The following CRAMP1 variants were observed in gnomAD, a reference collection of about 807,000 sequenced individuals.
CRAMP1 encodes the protein cramped chromatin regulator 1.
CRAMP1 carries 50 observed loss-of-function variants against 115.4 expected under a neutral mutation model. The observed-to-expected ratio is 0.43, with a 90% CI of 0.35 to 0.55. The LOEUF is 0.55. Ranked by LOEUF, CRAMP1 falls within the 20% of genes least tolerant of loss-of-function variation. The pLI is 0.01. For synonymous variants in CRAMP1, 866 were observed against 745.4 expected, an observed-to-expected ratio of 1.16 and a Z score of -2.64; for missense variants, 1,679 against 1,721.7, an observed-to-expected ratio of 0.98 and a Z score of 0.44.
At chr16:1,653,303 C>A in intron 8 of CRAMP1, 147 bp downstream of exon 8, 1 of 962,986 alleles carries the variant, frequency 1.0e-6, no homozygotes, top group East Asian at 2.6e-5. Context: ...AGTGTGGAGG[C>A]GACTGGAGTC....
At chr16:1,648,784 C>G (rs112994513) in intron 6 of CRAMP1, among the ~76,000 whole-genome samples, 3,519 of 150,958 alleles carry the variant, frequency 0.023, 158 homozygotes, top group African/African-American at 0.081. Context: ...TCAGGCCGGG[C>G]GCGGTGGCTC....
chr16:1,653,214 A>T, intron 8 of CRAMP1, 58 bp downstream of exon 8: 2 of 1,568,544 alleles, frequency 1.3e-6, no homozygotes, highest in African/African-American at 2.7e-5. Context: ...ACTGGAAGCA[A>T]CGTGTGTGAG....
In CRAMP1 at chr16:1,614,069, G is replaced by A. The variant is rs1179567198; in HGVS notation, c.-1-570G>A. On this transcript the variant is annotated intron_variant, in intron 1 of 20. Transcript: ENST00000397412. This position sits in a 1 kb window ranked among gnomAD's most constrained non-coding sequence, Gnocchi z 4.4. Reference sequence around the variant, plus strand: ...CCTCCAGGGCCAGCTCTGGGGGCCGGCGCGTGGGGCAGGTGCGCGGGGCCC... The same window carrying A: ...CCTCCAGGGCCAGCTCTGGGGGCCGACGCGTGGGGCAGGTGCGCGGGGCCC... 5.4e-5 allele frequency among the ~76,000 whole-genome samples: 8 copies of A among 149,328 alleles called. No individual in the cohort carries two copies. Among genetic ancestry groups the A allele is most frequent in the Non-Finnish European group, 1.0e-4 (7 of 66,978 alleles).
intron 20 of CRAMP1, among the ~76,000 whole-genome samples, chr16:1,673,268 C>G (rs926425420): frequency 3.3e-5 from 4 of 119,440 alleles, no homozygotes; most frequent in African/African-American, 1.3e-4. Context: ...CCTCATGTCT[C>G]TTGACGGGAA....
At position 1,667,366 on chromosome 16, in the gene CRAMP1, G is replaced by A; in HGVS notation, c.3068G>A (p.Arg1023Lys). ...GSDPFVSIPS[R>K]PEQEPVADSF... The stretch of plus-strand genomic sequence containing the variant: ...GACCCATTTGTCAGCATCCCTTCGA[G>A]GCCTGAGCAGGAGCCAGTGGCAGAC... The change falls in exon 17 of 21, where the codon AGG (arginine) becomes AAG (lysine). Residue 1023 changes from arginine (R) to lysine (K), a missense_variant. By Grantham distance (26) the Arg-to-Lys change is conservative. Transcript: ENST00000397412. 6.2e-7 allele frequency: 1 copy of A among 1,613,234 alleles called. No homozygotes were observed. The highest frequency in any genetic ancestry group is 8.5e-7 in the Non-Finnish European group (1 of 1,179,838).
At chr16:1,665,769 C>T (rs2036869039) in intron 14 of CRAMP1, 1 of 410,158 alleles carries the variant, frequency 2.4e-6, no homozygotes, top group Non-Finnish European at 4.4e-6. Context: ...TGCCCTGGGG[C>T]CTGTACCTCA....
intron 13 of CRAMP1, among the ~76,000 whole-genome samples, chr16:1,664,649 A>G (rs1237379047): frequency 6.6e-6 from 1 of 152,068 alleles, no homozygotes; most frequent in Non-Finnish European, 1.5e-5. Context: ...CGTGATGGCG[A>G]GTGCCTATAA....
chr16:1,669,015 C>T lies in CRAMP1; in HGVS notation c.3349C>T (p.Leu1117Phe). ...TTGGTTGGCAGGTGAAGGAGTCCCT[C>T]TTTCTCCAGCAAAACTGAATGGCAG... ...SSGQYGEGVP[L>F]SPAKLNGSDS... The change falls in exon 19 of 21, where the codon CTT becomes TTT. Residue 1117 changes from leucine to phenylalanine, a missense_variant. Leu to Phe is a conservative substitution (Grantham distance 22). This residue lies in a region of CRAMP1 where 709 missense variants were observed against 741.9 expected (regional missense o/e 0.96). Transcript: ENST00000397412. The surrounding 1 kb of genome is among the most constrained non-coding windows in gnomAD (Gnocchi z 4.6). The T allele has an allele frequency of 1.2e-6, 2 of 1,613,198 alleles. No individual in the cohort carries two copies. Among genetic ancestry groups the T allele is most frequent in the Middle Eastern group, 1.7e-4 (1 of 6,058 alleles).
At chr16:1,651,536 C>T (rs887208042) in intron 6 of CRAMP1, among the ~76,000 whole-genome samples, 4 of 149,964 alleles carry the variant, frequency 2.7e-5, no homozygotes, top group African/African-American at 9.9e-5. Context: ...GGACTGAGGT[C>T]ACACAGGTCA....
intron 6 of CRAMP1, among the ~76,000 whole-genome samples, chr16:1,644,793 C>G (rs1300633826): frequency 1.3e-5 from 2 of 152,152 alleles, no homozygotes; most frequent in Non-Finnish European, 2.9e-5. Context: ...TAAAACTGTG[C>G]CTCTCGTTCC....
At chr16:1,673,275 G>A (rs937882457) in intron 20 of CRAMP1, among the ~76,000 whole-genome samples, 1 of 146,062 alleles carries the variant, frequency 6.8e-6, no homozygotes, top group African/African-American at 2.6e-5. Flanking sequence ...TCTCTTGACG[G>A]GAACGTGTCC....
chr16:1,665,249 T>C (rs541898057), intron 14 of CRAMP1, 111 bp downstream of exon 14: 1 of 751,544 alleles, frequency 1.3e-6, no homozygotes, highest in East Asian at 2.6e-5. Context: ...GGCATTCCTT[T>C]GTCCATTCTA....
Position 1,614,657 on chromosome 16 carries a change from C to T in CRAMP1, c.18C>T (p.Gly6=), listed in dbSNP as rs2142164705. 4 of 1,283,354 alleles carry T rather than the reference C, an allele frequency of 3.1e-6. No homozygotes were observed. The East Asian group carries it at 9.6e-5, about 31-fold the overall frequency. The allele number at this position is 1,283,354 out of a possible 1,614,324, so 79.5% of individuals were successfully genotyped here. ...GCCGCAGGATGACAGTGAAGTTGGGCGACGGCGGCAGCGGGGAGGACGGGC... is the reference window on the plus strand; with the variant it reads ...GCCGCAGGATGACAGTGAAGTTGGGTGACGGCGGCAGCGGGGAGGACGGGC... MTVKL[G]DGGSGEDGLK... is the part of the protein sequence containing the mutation. The change falls in exon 2 of 21, where the codon GGC becomes GGT. Residue 6 remains glycine, a synonymous_variant. Coordinates refer to ENST00000397412, the MANE Select transcript of CRAMP1 (RefSeq NM_020825.4). The surrounding 1 kb of genome is among the most constrained non-coding windows in gnomAD (Gnocchi z 4.4).
chr16:1,663,758 G>A (rs367871891), intron 13 of CRAMP1, among the ~76,000 whole-genome samples: 11 of 151,984 alleles, frequency 7.2e-5, no homozygotes, highest in African/African-American at 1.2e-4. Context: ...TGGCAACCAC[G>A]GATCCGCTTT....
intron 9 of CRAMP1, among the ~76,000 whole-genome samples, 185 bp from the exon 10 acceptor site, chr16:1,655,692 C>A (rs1458397011): frequency 6.6e-6 from 1 of 152,214 alleles, no homozygotes; most frequent in Admixed American, 6.5e-5. Flanking sequence ...TGTGAATTTC[C>A]TGAAGGTACT....
intron 10 of CRAMP1, among the ~76,000 whole-genome samples, chr16:1,658,618 C>CTG (rs2086000063): frequency 6.6e-6 from 1 of 152,174 alleles, no homozygotes; most frequent in Admixed American, 6.5e-5. Context: ...TGGCCCTGTG[C>CTG]TGTCTCTTGC....
chr16:1,625,714 G>A (rs1188491779), intron 2 of CRAMP1: 1 of 400,700 alleles, frequency 2.5e-6, no homozygotes, highest in South Asian at 3.5e-5. Flanking sequence ...TCATTGTGCT[G>A]TTACATGGTT....
At chr16:1,661,422 G>C (rs1177277441) in intron 11 of CRAMP1, among the ~76,000 whole-genome samples, 31 of 21,472 alleles carry the variant, frequency 1.4e-3, no homozygotes, top group Non-Finnish European at 2.2e-3. Context: ...CTGGGTGACG[G>C]AGGGGGCCGG....
Position 1,614,341 on chromosome 16 carries a change from C to CCGGGGCCGGGGCCGGGA in CRAMP1, c.-1-298_-1-297insCGGGGCCGGGGCCGGGA, listed in dbSNP as rs1567444463. On this transcript the variant is annotated intron_variant, in intron 1 of 20. Transcript: ENST00000397412. This position sits in a 1 kb window ranked among gnomAD's most constrained non-coding sequence, Gnocchi z 4.4. ...GGCCGGGGCCGGGGCCGGGGCCGGG[C>CCGGGGCCGGGGCCGGGA]AGGGTCCGCCGAGCTGTCGCGCCCT... 7.9e-6 allele frequency among the ~76,000 whole-genome samples: 1 copy of CCGGGGCCGGGGCCGGGA among 126,090 alleles called. No homozygotes were observed. The highest frequency in any genetic ancestry group is 3.0e-5 in the African/African-American group (1 of 33,350). The allele number at this position is 126,090 out of a possible 152,430, so 82.7% of individuals were successfully genotyped here.
Sources: allele counts gnomAD v4.1 joint callset (sites outside exome capture counted in the v4.1 genomes callset), GRCh38; gene constraint gnomAD v4.1.1; regional missense constraint gnomAD v4.1.1; non-coding constraint Gnocchi (gnomAD v3.1); transcripts MANE v1.5; gene names NCBI Gene and HGNC (gene_info 2026-07-23, HGNC 2026-07-21).